ARMC9: variants seen among roughly 807,000 people sequenced by gnomAD.
ARMC9 encodes the protein lisH domain-containing protein ARMC9.
Under a neutral mutation model 107.0 loss-of-function variants are expected in ARMC9, and 94 were observed. The ratio of observed to expected loss-of-function variants is 0.88; its 90% confidence interval spans 0.74 to 1.04. The LOEUF (loss-of-function observed/expected upper bound fraction) is 1.04, where lower values mean the gene tolerates loss of function less well. Ranked by LOEUF, ARMC9 falls within the 50% of genes least tolerant of loss-of-function variation. ARMC9 has a pLI of 0.00. For synonymous variants in ARMC9, 380 were observed against 396.9 expected (o/e 0.96, Z 0.51); for missense variants, 942 against 1,030.1 (o/e 0.91, Z 1.17).
chr2:231,242,719 T>A (rs989731336), intron 9 of ARMC9, among the ~76,000 whole-genome samples: 5 of 152,152 alleles, frequency 3.3e-5, no homozygotes, highest in African/African-American at 1.2e-4. Flanking sequence ...AGACTTAGTG[T>A]TTTCTAGGTT....
chr2:231,354,587 G>A (rs1370199702), intron 21 of ARMC9, among the ~76,000 whole-genome samples: 1 of 152,046 alleles, frequency 6.6e-6, no homozygotes, highest in Non-Finnish European at 1.5e-5. Context: ...TCACCATGTT[G>A]GCCAAGCTGG....
intron 12 of ARMC9, among the ~76,000 whole-genome samples, chr2:231,268,113 T>C (rs2039011437): frequency 6.6e-6 from 1 of 152,148 alleles, no homozygotes; most frequent in Non-Finnish European, 1.5e-5. Flanking sequence ...ATATATAATA[T>C]ATGGTTTCAT....
intron 17 of ARMC9, among the ~76,000 whole-genome samples, chr2:231,285,544 G>T (rs1317544687): frequency 6.6e-6 from 1 of 151,932 alleles, no homozygotes; most frequent in East Asian, 1.9e-4. Flanking sequence ...TACTCGGGAG[G>T]CTGAGGCAGG....
chr2:231,366,163 T>C (rs2045809083), intron 23 of ARMC9, among the ~76,000 whole-genome samples: 1 of 152,098 alleles, frequency 6.6e-6, no homozygotes, highest in Admixed American at 6.6e-5. Context: ...AGAGTTGCCG[T>C]TCAAGTCCAA....
chr2:231,332,262 C>T (rs913228925), intron 20 of ARMC9, among the ~76,000 whole-genome samples: 4 of 152,130 alleles, frequency 2.6e-5, no homozygotes, highest in Non-Finnish European at 2.9e-5. Flanking sequence ...AAGTCCTTGG[C>T]GCAGAGGTGT....
At chr2:231,283,165 A>G (rs887766505) in intron 17 of ARMC9, among the ~76,000 whole-genome samples, 4 of 152,178 alleles carry the variant, frequency 2.6e-5, no homozygotes, top group African/African-American at 9.7e-5. Context: ...GCAGGGAGAA[A>G]AAAGACGGAA....
rs368898807 is a variant in ARMC9 at position 231,342,086 on chromosome 2, T to A, written c.1879-2889T>A. Among the ~76,000 whole-genome samples the A allele has an allele frequency of 2.0e-5, 3 of 152,170 alleles. No individual in the cohort carries two copies. In the East Asian group the frequency reaches 5.8e-4, roughly 29 times the overall value. ...AGATCCTTCAGCCCACAAAGGCTTC[T>A]TTGCAACTGAGGGGCCCGAGAGTAG... On this transcript the variant is annotated intron_variant, in intron 20 of 24. Transcript: ENST00000611582.
At chr2:231,308,620 T>C (rs143589742) in intron 19 of ARMC9, among the ~76,000 whole-genome samples, 27 of 152,210 alleles carry the variant, frequency 1.8e-4, no homozygotes, top group African/African-American at 6.3e-4. Context: ...AGGGCGAAAC[T>C]AGATTTTGCA....
intron 24 of ARMC9, 95 bp from the exon 25 acceptor site, chr2:231,371,418 T>G: frequency 7.5e-7 from 1 of 1,325,470 alleles, no homozygotes; most frequent in Non-Finnish European, 9.7e-7. Context: ...GTTCCCTCGC[T>G]TCTGAGCCGG....
At chr2:231,363,041 G>A (rs533666162) in intron 23 of ARMC9, among the ~76,000 whole-genome samples, 2 of 152,158 alleles carry the variant, frequency 1.3e-5, no homozygotes, top group African/African-American at 2.4e-5. Flanking sequence ...TACGGGGAAT[G>A]CAGGGCTGCA....
At chr2:231,202,243 G>C (rs546956620) in intron 1 of ARMC9, among the ~76,000 whole-genome samples, 1 of 151,416 alleles carries the variant, frequency 6.6e-6, no homozygotes, top group South Asian at 2.1e-4. Flanking sequence ...CAGGCGATCT[G>C]CCTGCCTTGG....
At chr2:231,250,571 G>C (rs925480089) in intron 9 of ARMC9, among the ~76,000 whole-genome samples, 1 of 152,182 alleles carries the variant, frequency 6.6e-6, no homozygotes, top group Admixed American at 6.5e-5. Context: ...CCAGAGGGGA[G>C]GGTAGACGGT....
intron 8 of ARMC9, among the ~76,000 whole-genome samples, chr2:231,237,891 G>C (rs7566842): frequency 7.0e-6 from 1 of 142,656 alleles, no homozygotes; most frequent in African/African-American, 2.6e-5. Flanking sequence ...GCTTGTTAGA[G>C]AAATGGTTCT....
At chr2:231,338,053 A>G (rs2044250035) in intron 20 of ARMC9, among the ~76,000 whole-genome samples, 1 of 152,030 alleles carries the variant, frequency 6.6e-6, no homozygotes. Flanking sequence ...GGCTCTTTTC[A>G]TCTCTTAGCG....
intron 17 of ARMC9, among the ~76,000 whole-genome samples, chr2:231,289,177 T>C (rs1202464476): frequency 6.6e-6 from 1 of 152,226 alleles, no homozygotes; most frequent in East Asian, 1.9e-4. Flanking sequence ...TAAAAATACA[T>C]GATATTTTGG....
chr2:231,320,851 G>A, intron 19 of ARMC9, among the ~76,000 whole-genome samples: 1 of 152,192 alleles, frequency 6.6e-6, no homozygotes, highest in East Asian at 1.9e-4. Context: ...AGGCAACAGG[G>A]AACAGGTGGG....
At chr2:231,357,433 T>C (rs1320301095) in intron 22 of ARMC9, among the ~76,000 whole-genome samples, 1 of 152,188 alleles carries the variant, frequency 6.6e-6, no homozygotes, top group South Asian at 2.1e-4. Context: ...TCAGCCTGGC[T>C]GGGACCCAGG....
chr2:231,245,756 G>C (rs1349522), intron 9 of ARMC9, among the ~76,000 whole-genome samples: 152,352 of 152,354 alleles, frequency 1, 76,175 homozygotes, highest in Non-Finnish European at 1. Flanking sequence ...TCTGCTGTTT[G>C]TAATGGTGTA....
intron 19 of ARMC9, among the ~76,000 whole-genome samples, chr2:231,324,162 C>G (rs543692953): frequency 1.2e-3 from 125 of 106,776 alleles, no homozygotes; most frequent in Non-Finnish European, 1.8e-3. Context: ...TAGTCTTGCT[C>G]TGTTGCCCAG....
Sources: gnomAD v4.1 joint callset for allele counts (sites outside exome capture counted in the v4.1 genomes callset) on GRCh38, gnomAD v4.1.1 for gene constraint, MANE v1.5 for transcripts, NCBI Gene and HGNC (gene_info 2026-07-23, HGNC 2026-07-21) for gene names.